The following CRKL variants were observed in gnomAD, a reference collection of about 807,000 sequenced individuals.
The protein encoded by CRKL is CRK like proto-oncogene, adaptor protein.
In CRKL, 3 loss-of-function variants were observed where a neutral mutation model predicts 23.0. The ratio of observed to expected loss-of-function variants is 0.13; its 90% confidence interval spans 0.06 to 0.34. The LOEUF (loss-of-function observed/expected upper bound fraction) is 0.34, where lower values mean the gene tolerates loss of function less well. Among genes scored for constraint, CRKL ranks in the 10% least tolerant of loss-of-function variants. The pLI, the probability that CRKL is intolerant of heterozygous loss-of-function variation, is 1.00. For missense variants in CRKL, 256 were observed against 394.5 expected, an observed-to-expected ratio of 0.65 and a Z score of 2.97; for synonymous variants, 188 against 160.7, an observed-to-expected ratio of 1.17 and a Z score of -1.28.
In CRKL at chr22:20,918,258, C is replaced by G. The variant is rs751395009; in HGVS notation, c.311+13C>G. 1.3e-5 allele frequency: 21 copies of G among 1,611,760 alleles called. No individual in the cohort carries two copies. Among genetic ancestry groups the G allele is most frequent in the Non-Finnish European group, 1.7e-5 (20 of 1,179,258 alleles). ...AGCCTGCGCCCAGGTACGCGAGAGC[C>G]CTCCCCGACCGCGGAGGAAGGTCGA... is the stretch of plus-strand genomic sequence containing the variant. On this transcript the variant is annotated intron_variant, in intron 1 of 2. Transcript: ENST00000354336.
At chr22:20,926,036 G>A (rs761710158) in intron 1 of CRKL, among the ~76,000 whole-genome samples, 6 of 152,200 alleles carry the variant, frequency 3.9e-5, no homozygotes, top group Non-Finnish European at 7.3e-5. Context: ...TAAGAGGTGG[G>A]GAGAGGCTTG....
chr22:20,922,125 A>C (rs904630944), intron 1 of CRKL, among the ~76,000 whole-genome samples: 1 of 142,110 alleles, frequency 7.0e-6, no homozygotes, highest in African/African-American at 2.7e-5. Context: ...TGATTCTCCT[A>C]CCTCAGCCTC....
At chr22:20,925,746 G>A (rs1235584998) in intron 1 of CRKL, among the ~76,000 whole-genome samples, 4 of 152,246 alleles carry the variant, frequency 2.6e-5, no homozygotes, top group South Asian at 2.1e-4. Flanking sequence ...AACGGTATTC[G>A]AATTCTGTCA....
rs1349710184 is a variant in CRKL, at chr22:20,951,491, G to C, written c.*1646G>C. The C allele has an allele frequency of 4.4e-6, 1 of 227,934 alleles. No individual in the cohort carries two copies. Among genetic ancestry groups the C allele is most frequent in the Non-Finnish European group, 8.7e-6 (1 of 114,898 alleles). 14.1% of individuals were successfully genotyped at this position (227,934 alleles called of 1,614,324 possible). On this transcript the variant is annotated 3_prime_UTR_variant, in exon 3 of 3. Transcript: ENST00000354336. ...GTTCATCCATCATCTGCTGCACATA[G>C]CAGACTAGAATTCTGGGAACCCTGT...
chr22:20,917,731 TGGCGGCCCCGGAGCAGGCG>T lies in CRKL; in HGVS notation c.-197_-179del. 1 of 598,878 alleles carries T rather than the reference TGGCGGCCCCGGAGCAGGCG, an allele frequency of 1.7e-6. No individual in the cohort carries two copies. The highest frequency in any genetic ancestry group is 2.9e-6 in the Non-Finnish European group (1 of 346,198). The allele number at this position is 598,878 out of a possible 1,614,324, so 37.1% of individuals were successfully genotyped here. On this transcript the variant is annotated 5_prime_UTR_variant, in exon 1 of 3. Coordinates refer to ENST00000354336, the MANE Select transcript of CRKL (RefSeq NM_005207.4). Reference sequence around the variant, plus strand: ...GCATTCCCGGGCGGCTCTCTCCGTGTGGCGGCCCCGGAGCAGGCGGGCGGCGTCGGAGGATGCTGCGGGC... The same window carrying T: ...GCATTCCCGGGCGGCTCTCTCCGTGTGGCGGCGTCGGAGGATGCTGCGGGC...
intron 2 of CRKL, among the ~76,000 whole-genome samples, chr22:20,947,778 C>T (rs1309426527): frequency 7.0e-6 from 1 of 142,890 alleles, no homozygotes; most frequent in Admixed American, 7.4e-5. Context: ...ACCTCTGCCT[C>T]CTGCGCTTAA....
chr22:20,931,915 C>T (rs558776416), intron 1 of CRKL, among the ~76,000 whole-genome samples: 45 of 152,122 alleles, frequency 3.0e-4, no homozygotes, highest in African/African-American at 8.9e-4. Context: ...GGGCTCACAC[C>T]GTTCTCCTGC....
At chr22:20,935,035 C>T (rs549746908) in intron 2 of CRKL, among the ~76,000 whole-genome samples, 28 of 151,788 alleles carry the variant, frequency 1.8e-4, no homozygotes, top group African/African-American at 2.4e-4. Context: ...AGGATGGTGT[C>T]GATCTCCTGA....
At chr22:20,921,519 G>GGAGGGACCTGTATAACAA (rs1450621209) in intron 1 of CRKL, among the ~76,000 whole-genome samples, 1 of 151,992 alleles carries the variant, frequency 6.6e-6, no homozygotes, top group Non-Finnish European at 1.5e-5. Context: ...TCAATATACA[G>GGAGGGACCTGTATAACAA]GAGGGACCTA....
chr22:20,920,985 C>A (rs1303764676), intron 1 of CRKL, among the ~76,000 whole-genome samples: 2 of 152,162 alleles, frequency 1.3e-5, no homozygotes, highest in African/African-American at 2.4e-5. Flanking sequence ...TGAATTAGAT[C>A]CTGACTGAGT....
At position 20,945,440 on chromosome 22, in the gene CRKL, A is replaced by G. The variant is rs757130487; in HGVS notation, c.778-4271A>G. On this transcript the variant is annotated intron_variant, in intron 2 of 2. Transcript: ENST00000354336. Reference sequence around the variant, plus strand: ...GACTTCCTCTTTTCCAAAAGCCCACATACTCTTGTACCACAGCATACTGGC... The same window carrying G: ...GACTTCCTCTTTTCCAAAAGCCCACGTACTCTTGTACCACAGCATACTGGC... 6.6e-5 allele frequency among the ~76,000 whole-genome samples: 10 copies of G among 152,016 alleles called. No homozygotes were observed. The East Asian group carries it at 1.7e-3, about 26-fold the overall frequency.
At chr22:20,937,844 T>G (rs1215310591) in intron 2 of CRKL, among the ~76,000 whole-genome samples, 1 of 152,108 alleles carries the variant, frequency 6.6e-6, no homozygotes, top group East Asian at 1.9e-4. Context: ...TTTCTGAATA[T>G]TTAAATGAAA....
At chr22:20,922,313 C>G (rs5752263) in intron 1 of CRKL, among the ~76,000 whole-genome samples, 115,910 of 151,494 alleles carry the variant, frequency 0.77, 44,894 homozygotes, top group East Asian at 0.92. Context: ...GAGCCACCCT[C>G]TCCGGCCTGG....
intron 2 of CRKL, among the ~76,000 whole-genome samples, chr22:20,947,159 C>T (rs1922091635): frequency 1.7e-5 from 1 of 60,378 alleles, no homozygotes; most frequent in African/African-American, 4.3e-5. Context: ...AGCAGTAGCT[C>T]CTTGAATCCT....
In CRKL at chr22:20,937,716, G is replaced by A. The variant is rs1286963955; in HGVS notation, c.777+3472G>A. ...GAGGTTCTCCACACCTGAGCCTCAT[G>A]ACACTAACCCAGCCAGCTGAGCTTC... On this transcript the variant is annotated intron_variant, in intron 2 of 2. Transcript: ENST00000354336. Among the ~76,000 whole-genome samples, 6 of 151,880 alleles carry A rather than the reference G, an allele frequency of 4.0e-5. No homozygotes were observed. The East Asian group carries it at 1.2e-3, about 29-fold the overall frequency.
chr22:20,945,914 T>C (rs1187901887), intron 2 of CRKL, among the ~76,000 whole-genome samples: 1 of 152,248 alleles, frequency 6.6e-6, no homozygotes, highest in African/African-American at 2.4e-5. Context: ...GTCTGGTGAT[T>C]ATAGTACATG....
intron 2 of CRKL, among the ~76,000 whole-genome samples, chr22:20,941,548 G>A (rs1921874896): frequency 7.0e-5 from 2 of 28,678 alleles, no homozygotes; most frequent in Non-Finnish European, 1.4e-4. Context: ...ATGTGTGTGT[G>A]TGTGTGTGTG....
chr22:20,945,571 A>G (rs1391690747), intron 2 of CRKL, among the ~76,000 whole-genome samples: 2 of 152,258 alleles, frequency 1.3e-5, no homozygotes, highest in South Asian at 4.1e-4. Flanking sequence ...GATAGTGGTA[A>G]TTTTAAGAAA....
rs1372980309 is a variant in CRKL at position 20,918,249 on chromosome 22, C to G, written c.311+4C>G. The G allele has an allele frequency of 6.2e-7, 1 of 1,612,892 alleles. No individual in the cohort carries two copies. The highest frequency in any genetic ancestry group is 8.5e-7 in the Non-Finnish European group (1 of 1,179,666). ...CCCTCATCGAGCCTGCGCCCAGGTACGCGAGAGCCCTCCCCGACCGCGGAG... is the reference window on the plus strand; with the variant it reads ...CCCTCATCGAGCCTGCGCCCAGGTAGGCGAGAGCCCTCCCCGACCGCGGAG... On this transcript the variant is annotated splice_donor_region_variant and intron_variant, in intron 1 of 2. Transcript: ENST00000354336.
Sources: gnomAD v4.1 joint callset for allele counts (sites outside exome capture counted in the v4.1 genomes callset) on GRCh38, gnomAD v4.1.1 for gene constraint, MANE v1.5 for transcripts, NCBI Gene and HGNC (gene_info 2026-07-23, HGNC 2026-07-21) for gene names.